The following WNT8A variants were observed in gnomAD, a reference collection of about 807,000 sequenced individuals.
WNT8A encodes the protein protein Wnt-8a.
In WNT8A, 14 loss-of-function variants were observed where a neutral mutation model predicts 20.5. That is an observed-to-expected ratio of 0.68 (90% CI 0.45 to 1.07). WNT8A has a LOEUF of 1.07. WNT8A is among the 50% of genes least tolerant of loss of function. WNT8A has a pLI of 0.00. For missense variants in WNT8A, 397 were observed against 462.9 expected, an observed-to-expected ratio of 0.86 and a Z score of 1.31; for synonymous variants, 167 against 169.2, an observed-to-expected ratio of 0.99 and a Z score of 0.10.
At chr5:138,077,571 C>A in the WNT8A span, among the ~76,000 whole-genome samples, 1 of 152,086 alleles carries the variant, frequency 6.6e-6, no homozygotes, top group Admixed American at 6.6e-5. Context: ...CAGCTCCAAA[C>A]CTTCTTCTTT....
chr5:138,092,300 A>G (rs1750878648), downstream of WNT8A: 1 of 152,248 alleles, frequency 6.6e-6, no homozygotes, highest in Non-Finnish European at 1.5e-5. Context: ...TGAGACCCAG[A>G]CACTGGTCAA....
intron 2 of WNT8A, among the ~76,000 whole-genome samples, chr5:138,085,283 ACACTGATCTTG>A (rs1750623988): frequency 6.6e-6 from 1 of 152,210 alleles, no homozygotes. Flanking sequence ...GCGTTTGTAC[ACACTGATCTTG>A]CACTGAGTTG....
chr5:138,080,301 G>A (rs1487227438), upstream of WNT8A, among the ~76,000 whole-genome samples: 1 of 148,124 alleles, frequency 6.8e-6, no homozygotes, highest in Non-Finnish European at 1.5e-5. Flanking sequence ...TCTAGCCTGG[G>A]TGACAGAGAC....
upstream of WNT8A, among the ~76,000 whole-genome samples, chr5:138,082,800 C>A (rs1229478689): frequency 6.6e-6 from 1 of 151,604 alleles, no homozygotes; most frequent in African/African-American, 2.4e-5. Flanking sequence ...TTGCTCGATC[C>A]CAGGAAGTGG....
downstream of WNT8A, chr5:138,092,322 T>C (rs1750879122): frequency 6.6e-6 from 1 of 152,164 alleles, no homozygotes; most frequent in African/African-American, 2.4e-5. Context: ...AGGAAAACAA[T>C]ACAGACTCCC....
chr5:138,087,649 CAAAAAAAAAAAAA>C (rs66902804), intron 2 of WNT8A, among the ~76,000 whole-genome samples, 144 bp from the exon 3 acceptor site: 6 of 70,244 alleles, frequency 8.5e-5, no homozygotes, highest in Non-Finnish European at 1.2e-4. Flanking sequence ...GAGCGAGTCT[CAAAAAAAAAAAAA>C]AAAAAAAAAA....
At chr5:138,085,991 G>A (rs535456107) in intron 2 of WNT8A, among the ~76,000 whole-genome samples, 1 of 152,202 alleles carries the variant, frequency 6.6e-6, no homozygotes. Context: ...TTCAGTAGGT[G>A]GCAGTCAGGA....
At chr5:138,082,583 A>T (rs1176477708), upstream of WNT8A, among the ~76,000 whole-genome samples, 1 of 151,384 alleles carries the variant, frequency 6.6e-6, no homozygotes, top group East Asian at 1.9e-4. Flanking sequence ...TGCCTCAAAA[A>T]ATAAAATAAA....
At position 138,091,062 on chromosome 5, in the gene WNT8A, G is replaced by A. The variant is rs1750838360; in HGVS notation, c.1099G>A (p.Gly367Ser). 6.2e-7 allele frequency: 1 copy of A among 1,610,526 alleles called. No homozygotes were observed. Among genetic ancestry groups the A allele is most frequent in the African/African-American group, 1.3e-5 (1 of 74,854 alleles). Residue 367 changes from glycine to serine, a missense_variant, in exon 5 of 5, where the codon GGC becomes AGC. By Grantham distance (56) the Gly-to-Ser change is moderately conservative. Coordinates refer to ENST00000506684, the MANE Select transcript of WNT8A (RefSeq NM_001300939.2). ...SPGSAQSLGK[G>S]SA The stretch of plus-strand genomic sequence containing the variant: ...AGGCAGTGCCCAGTCCCTGGGTAAG[G>A]GCAGTGCCTGATAATACCCCACACA...
Position 138,091,079 on chromosome 5 carries a change from C to A in WNT8A, c.*6C>A, listed in dbSNP as rs12520886. 2 of 1,603,824 alleles carry A rather than the reference C, an allele frequency of 1.2e-6. No individual in the cohort carries two copies. Among genetic ancestry groups the A allele is most frequent in the South Asian group, 1.1e-5 (1 of 90,364 alleles). On this transcript the variant is annotated 3_prime_UTR_variant, in exon 5 of 5. Transcript: ENST00000506684. ...TGGGTAAGGGCAGTGCCTGATAATA[C>A]CCCACACAAGTTCACTTGATTAATT...
downstream of WNT8A, chr5:138,092,127 T>C (rs1398010282): frequency 6.6e-6 from 1 of 152,208 alleles, no homozygotes; most frequent in East Asian, 1.9e-4. Context: ...TAAATGCTTC[T>C]AAGATATATC....
chr5:138,081,117 T>A (rs968295092), upstream of WNT8A, among the ~76,000 whole-genome samples: 12 of 151,096 alleles, frequency 7.9e-5, no homozygotes, highest in African/African-American at 2.9e-4. Flanking sequence ...TCCCAGCTAC[T>A]CGGGAGGCTG....
chr5:138,088,640 G>GCCA (rs1261346160), intron 3 of WNT8A, among the ~76,000 whole-genome samples: 7 of 152,142 alleles, frequency 4.6e-5, no homozygotes, highest in African/African-American at 1.7e-4. Context: ...ACAGACGTGA[G>GCCA]CCACCACGCC....
chr5:138,088,306 G>C, intron 3 of WNT8A, among the ~76,000 whole-genome samples: 1 of 151,646 alleles, frequency 6.6e-6, no homozygotes, highest in East Asian at 1.9e-4. Context: ...GCCTTTACGA[G>C]ATGATTGTAG....
chr5:138,078,406 C>T, the WNT8A span, among the ~76,000 whole-genome samples: 7 of 152,214 alleles, frequency 4.6e-5, no homozygotes, highest in Non-Finnish European at 1.0e-4. Flanking sequence ...TCTACTCCCT[C>T]TCAGCTCTTC....
upstream of WNT8A, among the ~76,000 whole-genome samples, chr5:138,079,228 T>G (rs1240740849): frequency 6.6e-6 from 1 of 151,430 alleles, no homozygotes; most frequent in African/African-American, 2.4e-5. Flanking sequence ...CTGTTGCATT[T>G]TTAGGAATTT....
intron 2 of WNT8A, among the ~76,000 whole-genome samples, chr5:138,085,575 T>C (rs997609277): frequency 5.3e-5 from 8 of 151,968 alleles, no homozygotes; most frequent in African/African-American, 1.9e-4. Flanking sequence ...GCTAAGCACG[T>C]GTTGGAACCA....
In WNT8A at chr5:138,089,060, C is replaced by T. The variant is rs187864977; in HGVS notation, c.555C>T (p.Ala185=). The T allele has an allele frequency of 8.7e-6, 14 of 1,613,136 alleles. No individual in the cohort carries two copies. The highest frequency in any genetic ancestry group is 2.2e-5 in the East Asian group (1 of 44,878). ...TGATGAATCTTCACAACAACAGGGCCGGCAGACTGGTGGGTATAGGCATTG... is the reference window on the plus strand; with the variant it reads ...TGATGAATCTTCACAACAACAGGGCTGGCAGACTGGTGGGTATAGGCATTG... The part of the protein sequence containing the change: ...RALMNLHNNR[A]GRLAVRATMK... The change falls in exon 4 of 5, where the codon GCC becomes GCT. Residue 185 remains alanine (A), a synonymous_variant. Transcript: ENST00000506684.
upstream of WNT8A, among the ~76,000 whole-genome samples, chr5:138,079,079 A>G (rs1031456771): frequency 3.9e-5 from 6 of 152,026 alleles, no homozygotes; most frequent in African/African-American, 1.4e-4. Context: ...AAGAGGAAAA[A>G]TTAAAGCCCT....
Sources: allele counts gnomAD v4.1 joint callset (sites outside exome capture counted in the v4.1 genomes callset), GRCh38; gene constraint gnomAD v4.1.1; transcripts MANE v1.5; gene names NCBI Gene and HGNC (gene_info 2026-07-23, HGNC 2026-07-21).